RORB: variants seen among roughly 807,000 people sequenced by gnomAD.
RORB encodes nuclear receptor ROR-beta.
Under a neutral mutation model 59.1 loss-of-function variants are expected in RORB, and 6 were observed. The observed-to-expected ratio is 0.10, with a 90% CI of 0.06 to 0.20. The LOEUF is 0.20. Ranked by LOEUF, RORB falls within the 10% of genes least tolerant of loss-of-function variation. The pLI, the probability that RORB is intolerant of heterozygous loss-of-function variation, is 1.00. For synonymous variants in RORB, 215 were observed against 204.5 expected, an observed-to-expected ratio of 1.05 and a Z score of -0.44; for missense variants, 320 against 560.5, an observed-to-expected ratio of 0.57 and a Z score of 4.33.
chr9:74,626,188 A>C (rs1490629519), intron 1 of RORB, among the ~76,000 whole-genome samples: 1 of 152,148 alleles, frequency 6.6e-6, no homozygotes, highest in African/African-American at 2.4e-5. Context: ...CCATCTTCAA[A>C]GAGGGAGAGA....
chr9:74,590,178 CAGTGCTGGGAGTACTAAG>C (rs1822866200), intron 1 of RORB, among the ~76,000 whole-genome samples: 1 of 152,088 alleles, frequency 6.6e-6, no homozygotes, highest in Admixed American at 6.6e-5. Context: ...GTAGCAGCAG[CAGTGCTGGGAGTACTAAG>C]ACCTCTAGGA....
intron 1 of RORB, among the ~76,000 whole-genome samples, chr9:74,572,234 C>A (rs1822564996): frequency 6.6e-6 from 1 of 152,016 alleles, no homozygotes; most frequent in Non-Finnish European, 1.5e-5. Flanking sequence ...TTAATATAGA[C>A]AATTTTCACT....
rs1824351527 is a variant in RORB at position 74,671,884 on chromosome 9, G to A, written c.1207G>A (p.Asp403Asn). 4 of 1,606,772 alleles carry A rather than the reference G, an allele frequency of 2.5e-6. No individual in the cohort carries two copies. Among genetic ancestry groups the A allele is most frequent in the Non-Finnish European group, 3.4e-6 (4 of 1,175,004 alleles). The change falls in exon 9 of 10, where the codon GAT (aspartate) becomes AAT (asparagine). Residue 403 changes from aspartate (D) to asparagine (N), a missense_variant. Asp to Asn is a conservative substitution (Grantham distance 23, BLOSUM62 1). This residue lies in a region of RORB where 109 missense variants were observed against 171.0 expected (regional missense o/e 0.64). Transcript: ENST00000376896. ...TGTGATTCAGAAGAATCACCTGGAT[G>A]ATGAGACCTTGGCAAAGGTAGGTCC... ...QHVIQKNHLD[D>N]ETLAKLIAKI...
intron 9 of RORB, among the ~76,000 whole-genome samples, chr9:74,678,683 T>C (rs1174148268): frequency 6.6e-6 from 1 of 152,040 alleles, no homozygotes; most frequent in Non-Finnish European, 1.5e-5. Flanking sequence ...CTACAAAAGG[T>C]CATTTATGGT....
At chr9:74,516,308 A>T (rs538905201) in intron 1 of RORB, among the ~76,000 whole-genome samples, 2 of 152,144 alleles carry the variant, frequency 1.3e-5, no homozygotes, top group East Asian at 3.9e-4. Context: ...ACACACAAAA[A>T]AGTGAAGTAT....
At chr9:74,586,066 T>A (rs1822794686) in intron 1 of RORB, among the ~76,000 whole-genome samples, 1 of 152,070 alleles carries the variant, frequency 6.6e-6, no homozygotes, top group African/African-American at 2.4e-5. Context: ...AGTGCTGGGA[T>A]TACAGGCATG....
At chr9:74,629,905 T>G (rs567781437) in intron 1 of RORB, among the ~76,000 whole-genome samples, 1 of 152,304 alleles carries the variant, frequency 6.6e-6, no homozygotes, top group African/African-American at 2.4e-5. Flanking sequence ...ATGTGAAAGA[T>G]CTCAGTAACT....
At chr9:74,640,431 T>TTG (rs1823782350) in intron 3 of RORB, among the ~76,000 whole-genome samples, 1 of 106,198 alleles carries the variant, frequency 9.4e-6, no homozygotes, top group African/African-American at 2.8e-5. Context: ...ACTCGGCTAA[T>TTG]TCTGTGTGTG....
At chr9:74,643,505 C>T (rs1823844726) in intron 4 of RORB, among the ~76,000 whole-genome samples, 1 of 152,256 alleles carries the variant, frequency 6.6e-6, no homozygotes, top group Admixed American at 6.5e-5. Flanking sequence ...CTGCCTTAGG[C>T]AAGCTCTCTT....
chr9:74,505,647 A>G (rs778506638), intron 1 of RORB, among the ~76,000 whole-genome samples: 1 of 152,096 alleles, frequency 6.6e-6, no homozygotes, highest in Non-Finnish European at 1.5e-5. Context: ...GATGTTTGAG[A>G]TGGGCCTCTA....
At chr9:74,678,048 C>T (rs906157625) in intron 9 of RORB, among the ~76,000 whole-genome samples, 1 of 152,054 alleles carries the variant, frequency 6.6e-6, no homozygotes, top group Non-Finnish European at 1.5e-5. Context: ...AAAAGAATGG[C>T]GAAAGTTGAA....
rs918100001 is a variant in RORB, at chr9:74,551,671, T to C, written c.7+53688T>C. 1.6e-4 allele frequency among the ~76,000 whole-genome samples: 24 copies of C among 152,296 alleles called. 1 individual carries two copies. The South Asian group carries it at 2.5e-3, about 16-fold the overall frequency. On this transcript the variant is annotated intron_variant, in intron 1 of 9. Coordinates refer to ENST00000376896, the MANE Select transcript of RORB (RefSeq NM_006914.4). ...AATTTAGGGATCCCAAGTTATACAATATAATTAGAGACTTAACAGTAGATA... is the reference window on the plus strand; with the variant it reads ...AATTTAGGGATCCCAAGTTATACAACATAATTAGAGACTTAACAGTAGATA...
At chr9:74,678,091 G>A (rs1396217784) in intron 9 of RORB, among the ~76,000 whole-genome samples, 2 of 152,180 alleles carry the variant, frequency 1.3e-5, no homozygotes, top group African/African-American at 2.4e-5. Flanking sequence ...GCCAGGCACT[G>A]TGCTGATAGA....
At chr9:74,595,473 T>A (rs533355732) in intron 1 of RORB, among the ~76,000 whole-genome samples, 115 of 152,358 alleles carry the variant, frequency 7.5e-4, no homozygotes, top group Middle Eastern at 6.8e-3. Context: ...CTTAATTTGC[T>A]TTTCATTCTC....
intron 1 of RORB, among the ~76,000 whole-genome samples, chr9:74,626,719 A>T (rs1699998526): frequency 6.6e-6 from 1 of 152,228 alleles, no homozygotes; most frequent in African/African-American, 2.4e-5. Flanking sequence ...ACAGCATGTC[A>T]CTAGATCTGT....
chr9:74,511,066 G>A (rs576932322), intron 1 of RORB, among the ~76,000 whole-genome samples: 78 of 152,246 alleles, frequency 5.1e-4, no homozygotes, highest in African/African-American at 1.8e-3. Flanking sequence ...GCCTAAAAAC[G>A]TATTGCAGCC....
chr9:74,633,229 T>C (rs1823648828), intron 2 of RORB, among the ~76,000 whole-genome samples: 3 of 152,226 alleles, frequency 2.0e-5, no homozygotes, highest in African/African-American at 7.2e-5. Flanking sequence ...TTGTATTTTC[T>C]AATTACAAAA....
At chr9:74,682,567 C>T (rs1347073705) in intron 9 of RORB, among the ~76,000 whole-genome samples, 2 of 152,088 alleles carry the variant, frequency 1.3e-5, no homozygotes, top group African/African-American at 2.4e-5. Context: ...TAGACTAATC[C>T]TCTCTATGTA....
chr9:74,570,737 G>GTA (rs1822538762), intron 1 of RORB, among the ~76,000 whole-genome samples: 1 of 151,830 alleles, frequency 6.6e-6, no homozygotes, highest in African/African-American at 2.4e-5. Context: ...ACACGTGTGT[G>GTA]TGTATGAATG....
Sources: gnomAD v4.1 joint callset for allele counts (sites outside exome capture counted in the v4.1 genomes callset) on GRCh38, gnomAD v4.1.1 for gene constraint, gnomAD v4.1.1 regional missense constraint, MANE v1.5 for transcripts, NCBI Gene and HGNC (gene_info 2026-07-23, HGNC 2026-07-21) for gene names.